Variants in PDE8B observed in about 807,000 individuals in gnomAD.
PDE8B encodes the protein phosphodiesterase 8B, also known as high affinity cAMP-specific and IBMX-insensitive 3',5'-cyclic phosphodiesterase 8B.
PDE8B carries 26 observed loss-of-function variants against 101.3 expected under a neutral mutation model. The observed-to-expected ratio is 0.26, with a 90% CI of 0.19 to 0.36. PDE8B has a LOEUF of 0.36. Ranked by LOEUF, PDE8B falls within the 10% of genes least tolerant of loss-of-function variation. The pLI, the probability that PDE8B is intolerant of heterozygous loss-of-function variation, is 1.00. For missense variants in PDE8B, 810 were observed against 1,163.1 expected (o/e 0.70, Z 4.42); for synonymous variants, 424 against 429.3 (o/e 0.99, Z 0.15).
intron 10 of PDE8B, among the ~76,000 whole-genome samples, chr5:77,367,154 A>AACACACAG (rs1198293635): frequency 2.8e-5 from 4 of 144,936 alleles, no homozygotes; most frequent in African/African-American, 7.8e-5. Context: ...GTTTTCTCAA[A>AACACACAG]ACACACACAC....
chr5:77,424,970 A>C (rs335638), intron 20 of PDE8B, among the ~76,000 whole-genome samples: 1 of 152,054 alleles, frequency 6.6e-6, no homozygotes, highest in Non-Finnish European at 1.5e-5. Flanking sequence ...GATTACAGGC[A>C]TGAGCCATTG....
rs548957945 is a variant in PDE8B at position 77,402,279 on chromosome 5, T to C, written c.1210+1989T>C. Among the ~76,000 whole-genome samples the C allele has an allele frequency of 2.6e-3, 397 of 151,826 alleles. 1 individual carries two copies. Among genetic ancestry groups the C allele is most frequent in the Non-Finnish European group, 3.9e-3 (265 of 67,944 alleles). ...TGTAAAAATATATATATATAGAAAC[T>C]TATATGCAAGGATAGGTAAACTACT... is the stretch of plus-strand genomic sequence containing the variant. On this transcript the variant is annotated intron_variant, in intron 11 of 21. Coordinates refer to ENST00000264917, the MANE Select transcript of PDE8B (RefSeq NM_003719.5).
chr5:77,392,672 C>G (rs1251023740), intron 10 of PDE8B, among the ~76,000 whole-genome samples: 1 of 152,198 alleles, frequency 6.6e-6, no homozygotes, highest in Non-Finnish European at 1.5e-5. Context: ...GGCCTCCACA[C>G]TCCAGCCTCC....
chr5:77,206,993 G>A (rs1221591759), upstream of PDE8B, among the ~76,000 whole-genome samples: 1 of 152,210 alleles, frequency 6.6e-6, no homozygotes, highest in African/African-American at 2.4e-5. Context: ...CTTGCTCAAG[G>A]TTACACAGCC....
intron 1 of PDE8B, among the ~76,000 whole-genome samples, chr5:77,286,162 A>T (rs1765967515): frequency 6.6e-6 from 1 of 152,172 alleles, no homozygotes; most frequent in Non-Finnish European, 1.5e-5. Flanking sequence ...GTTTCATTTT[A>T]GCAGGCGATT....
chr5:77,211,618 C>G lies in PDE8B; in HGVS notation c.339+354C>G, dbSNP rs1469728846. 1.3e-5 allele frequency among the ~76,000 whole-genome samples: 2 copies of G among 152,146 alleles called. No individual in the cohort carries two copies. The highest frequency in any genetic ancestry group is 4.8e-5 in the African/African-American group (2 of 41,430). ...GGGGACCATTGAGAGCATTCGGTGG[C>G]CAGTCCTGTTGAATGAAATCTGAGC... is the stretch of plus-strand genomic sequence containing the variant. On this transcript the variant is annotated intron_variant, in intron 1 of 21. Coordinates refer to ENST00000264917, the MANE Select transcript of PDE8B (RefSeq NM_003719.5). The surrounding 1 kb of genome is among the most constrained non-coding windows in gnomAD (Gnocchi z 4.1).
intron 1 of PDE8B, among the ~76,000 whole-genome samples, chr5:77,303,065 A>T (rs1355872285): frequency 2.0e-5 from 3 of 152,222 alleles, no homozygotes; most frequent in African/African-American, 7.2e-5. Flanking sequence ...AAAAATAAAA[A>T]GCATGTGTAG....
Position 77,426,618 on chromosome 5 carries a change from G to A in PDE8B, c.*64G>A, listed in dbSNP as rs40594. On this transcript the variant is annotated 3_prime_UTR_variant, in exon 22 of 22. Coordinates refer to ENST00000264917, the MANE Select transcript of PDE8B (RefSeq NM_003719.5). Reference sequence around the variant, plus strand: ...CACTGTGAATCACAGTAGCGTAAACGAGAGGCCTTCCTTTCTAATGACAAT... The same window carrying A: ...CACTGTGAATCACAGTAGCGTAAACAAGAGGCCTTCCTTTCTAATGACAAT... 0.57 allele frequency: 474,981 copies of A among 830,778 alleles called. 139,671 individuals are homozygous for A. Among genetic ancestry groups the A allele is most frequent in the African/African-American group, 0.81 (48,540 of 59,982 alleles). 51.5% of individuals were successfully genotyped at this position (830,778 alleles called of 1,614,324 possible). A position where few individuals can be genotyped will look rare whatever the true frequency, so the allele number is the denominator to read the frequency against.
At chr5:77,087,665 C>T in the PDE8B span, 1 of 152,230 alleles carries the variant, frequency 6.6e-6, no homozygotes, top group Non-Finnish European at 1.5e-5. Context: ...GTCCATTTCT[C>T]AAGCGAATTA....
At chr5:77,420,641 A>T (rs1162645067) in intron 19 of PDE8B, among the ~76,000 whole-genome samples, 1 of 152,114 alleles carries the variant, frequency 6.6e-6, no homozygotes, top group Non-Finnish European at 1.5e-5. Flanking sequence ...GTCTGGATGG[A>T]GTGACAGTGT....
intron 1 of PDE8B, among the ~76,000 whole-genome samples, chr5:77,252,574 A>G (rs1473728006): frequency 6.6e-6 from 1 of 152,182 alleles, no homozygotes; most frequent in Non-Finnish European, 1.5e-5. Context: ...ACTTTGATAC[A>G]AGAAGATTGG....
At chr5:77,201,779 A>T in the PDE8B span, among the ~76,000 whole-genome samples, 1 of 152,126 alleles carries the variant, frequency 6.6e-6, no homozygotes, top group African/African-American at 2.4e-5. Context: ...TACAAATTCC[A>T]TCTACTCAAT....
At chr5:77,183,524 A>G in the PDE8B span, among the ~76,000 whole-genome samples, 3 of 152,226 alleles carry the variant, frequency 2.0e-5, no homozygotes, top group South Asian at 2.1e-4. Context: ...TGTATTTACA[A>G]TGATCCAAGC....
At chr5:77,092,080 A>G in the PDE8B span, among the ~76,000 whole-genome samples, 1 of 152,252 alleles carries the variant, frequency 6.6e-6, no homozygotes, top group Non-Finnish European at 1.5e-5. Context: ...TGAAAGTGGC[A>G]GCATTTAATC....
At chr5:77,286,037 C>T (rs1765942830) in intron 1 of PDE8B, among the ~76,000 whole-genome samples, 1 of 151,976 alleles carries the variant, frequency 6.6e-6, no homozygotes, top group Non-Finnish European at 1.5e-5. Flanking sequence ...ATATTAAAGT[C>T]TTTGGGAATT....
chr5:77,261,645 C>G (rs1427289436), intron 1 of PDE8B, among the ~76,000 whole-genome samples: 1 of 152,202 alleles, frequency 6.6e-6, no homozygotes, highest in Admixed American at 6.5e-5. Flanking sequence ...TGGCAGCTAC[C>G]TAGATTGCCG....
chr5:77,161,148 GTAACAACA>G, the PDE8B span, among the ~76,000 whole-genome samples: 1 of 152,132 alleles, frequency 6.6e-6, no homozygotes, highest in African/African-American at 2.4e-5. Context: ...TGATAAATGT[GTAACAACA>G]TAACCATGAC....
the PDE8B span, among the ~76,000 whole-genome samples, chr5:77,134,977 G>A: frequency 6.6e-6 from 1 of 152,160 alleles, no homozygotes; most frequent in Non-Finnish European, 1.5e-5. Context: ...AAGATAGTCG[G>A]CCATGGAAAG....
the PDE8B span, among the ~76,000 whole-genome samples, chr5:77,121,644 A>T: frequency 1.3e-5 from 2 of 151,796 alleles, no homozygotes; most frequent in Non-Finnish European, 2.9e-5. Context: ...AGTAGCTGGG[A>T]CTACAGGCGT....
Sources: gnomAD v4.1 joint callset for allele counts (sites outside exome capture counted in the v4.1 genomes callset) on GRCh38, gnomAD v4.1.1 for gene constraint, Gnocchi (gnomAD v3.1) non-coding constraint, MANE v1.5 for transcripts, NCBI Gene and HGNC (gene_info 2026-07-23, HGNC 2026-07-21) for gene names.